FAM163A: variants seen among roughly 807,000 people sequenced by gnomAD.
FAM163A encodes the protein family with sequence similarity 163 member A, also known as protein FAM163A.
Under a neutral mutation model 12.0 loss-of-function variants are expected in FAM163A, and 7 were observed. That is an observed-to-expected ratio of 0.58 (90% CI 0.33 to 1.10). The LOEUF (loss-of-function observed/expected upper bound fraction) is 1.10. Ranked by LOEUF, FAM163A falls within the 50% of genes least tolerant of loss-of-function variation. The pLI is 0.03. For synonymous variants in FAM163A, 101 were observed against 91.0 expected, an observed-to-expected ratio of 1.11 and a Z score of -0.62; for missense variants, 202 against 218.6, an observed-to-expected ratio of 0.92 and a Z score of 0.48.
chr1:179,736,527 G>A, the FAM163A span, among the ~76,000 whole-genome samples: 1 of 151,996 alleles, frequency 6.6e-6, no homozygotes, highest in Non-Finnish European at 1.5e-5. Context: ...GTCAAAAGGT[G>A]GGCCAGGCAT....
chr1:179,765,677 ATTT>A (rs749528573), intron 1 of FAM163A, among the ~76,000 whole-genome samples: 13,372 of 127,016 alleles, frequency 0.11, 675 homozygotes, highest in Non-Finnish European at 0.14. Context: ...AGCTTTGGGA[ATTT>A]TTTTTTTTTT....
At chr1:179,731,939 A>G in the FAM163A span, among the ~76,000 whole-genome samples, 2 of 152,224 alleles carry the variant, frequency 1.3e-5, no homozygotes, top group Non-Finnish European at 2.9e-5. Context: ...CATAATCTTG[A>G]GTCAGCCAGC....
At chr1:179,787,232 G>C (rs1423564792) in intron 1 of FAM163A, among the ~76,000 whole-genome samples, 1 of 152,202 alleles carries the variant, frequency 6.6e-6, no homozygotes. Flanking sequence ...TAAATAGAGA[G>C]CTATTTAGCT....
chr1:179,741,270 GAA>G (rs1224295796), upstream of FAM163A, among the ~76,000 whole-genome samples: 1 of 151,246 alleles, frequency 6.6e-6, no homozygotes, highest in Admixed American at 6.5e-5. Flanking sequence ...CAAAACATAA[GAA>G]GTCTAATAAT....
At chr1:179,804,414 TAAAC>T (rs1388369761) in intron 1 of FAM163A, among the ~76,000 whole-genome samples, 1 of 152,212 alleles carries the variant, frequency 6.6e-6, no homozygotes, top group Non-Finnish European at 1.5e-5. Context: ...CTGTGTGTGT[TAAAC>T]AAGTCATTTG....
chr1:179,738,447 A>G (rs1683252281), upstream of FAM163A, among the ~76,000 whole-genome samples: 1 of 152,196 alleles, frequency 6.6e-6, no homozygotes, highest in Non-Finnish European at 1.5e-5. Flanking sequence ...TATCAATTAT[A>G]CCTCAATAAA....
chr1:179,753,295 C>T (rs1230891237), intron 1 of FAM163A, among the ~76,000 whole-genome samples: 1 of 152,102 alleles, frequency 6.6e-6, no homozygotes, highest in Non-Finnish European at 1.5e-5. Flanking sequence ...CTGGTGATTG[C>T]CCAGGGCTAG....
intron 1 of FAM163A, among the ~76,000 whole-genome samples, chr1:179,807,259 C>T (rs1350081704): frequency 6.6e-6 from 1 of 152,206 alleles, no homozygotes; most frequent in Non-Finnish European, 1.5e-5. Flanking sequence ...TGAACTTGCT[C>T]ATCTGGCTGT....
intron 2 of FAM163A, among the ~76,000 whole-genome samples, chr1:179,808,762 T>G (rs531902439): frequency 2.6e-5 from 4 of 152,310 alleles, no homozygotes; most frequent in African/African-American, 9.6e-5. Flanking sequence ...CAGTGACCAC[T>G]TGGGCCATCT....
intron 1 of FAM163A, among the ~76,000 whole-genome samples, chr1:179,745,111 G>A (rs929367338): frequency 6.6e-6 from 1 of 152,056 alleles, no homozygotes; most frequent in Non-Finnish European, 1.5e-5. Flanking sequence ...ATGCCTAAGA[G>A]AATCTAAACC....
rs758492169 is a variant in FAM163A at position 179,813,849 on chromosome 1, C to T, written c.164C>T (p.Thr55Met). 14 of 1,613,912 alleles carry T rather than the reference C, an allele frequency of 8.7e-6. No individual in the cohort carries two copies. The African/African-American group carries it at 9.3e-5, about 11-fold the overall frequency. ...EEEEREHDLP[T>M]HPRGPTCNAC... ...GAGGAGCGGGAGCACGACCTTCCCA[C>T]GCATCCCAGAGGCCCCACCTGCAAT... The change falls in exon 5 of 5, where the codon ACG (threonine) becomes ATG (methionine). Residue 55 changes from threonine to methionine, a missense_variant. Physicochemically the swap from Thr to Met is moderately conservative, Grantham distance 81 (BLOSUM62 -1). Transcript: ENST00000341785.
chr1:179,778,574 A>G (rs1689298080), intron 1 of FAM163A, among the ~76,000 whole-genome samples: 1 of 152,180 alleles, frequency 6.6e-6, no homozygotes, highest in Non-Finnish European at 1.5e-5. Flanking sequence ...GGGACCTGAA[A>G]AAAATGAGAA....
intron 2 of FAM163A, among the ~76,000 whole-genome samples, chr1:179,809,252 C>T (rs1373268613): frequency 6.6e-6 from 1 of 152,104 alleles, no homozygotes; most frequent in Non-Finnish European, 1.5e-5. Flanking sequence ...GTCGAGGCCC[C>T]CCAAAACCAT....
chr1:179,755,216 G>C (rs111580349), intron 1 of FAM163A, among the ~76,000 whole-genome samples: 4,547 of 151,072 alleles, frequency 0.03, 216 homozygotes, highest in African/African-American at 0.1. Flanking sequence ...GAGTGTAGAA[G>C]TGGGGTAGAA....
chr1:179,756,852 A>G (rs780474180), intron 1 of FAM163A, among the ~76,000 whole-genome samples: 1 of 152,200 alleles, frequency 6.6e-6, no homozygotes. Flanking sequence ...ACAAGTTTCC[A>G]GTAGGAGTGT....
chr1:179,803,357 G>A (rs942305830), intron 1 of FAM163A, among the ~76,000 whole-genome samples: 4 of 152,146 alleles, frequency 2.6e-5, no homozygotes, highest in African/African-American at 4.8e-5. Flanking sequence ...CGCAGCTGGC[G>A]TTTCCTGCCA....
intron 1 of FAM163A, among the ~76,000 whole-genome samples, chr1:179,799,605 C>T (rs1282619037): frequency 6.6e-6 from 1 of 152,238 alleles, no homozygotes; most frequent in African/African-American, 2.4e-5. Context: ...AAATCAAAAT[C>T]TGCCATGCCT....
At chr1:179,797,969 C>T (rs765580474) in intron 1 of FAM163A, among the ~76,000 whole-genome samples, 36 of 152,112 alleles carry the variant, frequency 2.4e-4, no homozygotes, top group Non-Finnish European at 1.6e-4. Flanking sequence ...GTGGCTCACA[C>T]CTGTAATCTC....
Position 179,792,263 on chromosome 1 carries a change from A to T in FAM163A, c.-135-15535A>T, listed in dbSNP as rs572709498. Among the ~76,000 whole-genome samples, 48 of 151,214 alleles carry T rather than the reference A, an allele frequency of 3.2e-4. 1 individual carries two copies. The South Asian group carries it at 0.01, about 32-fold the overall frequency. ...GCCTCCTGAGTAGCTGGGACTACAGACACATGCCACCATATCTGATTGTGT... is the reference window on the plus strand; with the variant it reads ...GCCTCCTGAGTAGCTGGGACTACAGTCACATGCCACCATATCTGATTGTGT... On this transcript the variant is annotated intron_variant, in intron 1 of 4. Coordinates refer to ENST00000341785, the MANE Select transcript of FAM163A (RefSeq NM_173509.3).
Sources: allele counts gnomAD v4.1 joint callset (sites outside exome capture counted in the v4.1 genomes callset), GRCh38; gene constraint gnomAD v4.1.1; transcripts MANE v1.5; gene names NCBI Gene and HGNC (gene_info 2026-07-23, HGNC 2026-07-21).